FAM167A: variants seen among roughly 807,000 people sequenced by gnomAD.
FAM167A encodes the protein family with sequence similarity 167 member A.
FAM167A carries 23 observed loss-of-function variants against 14.9 expected under a neutral mutation model. The ratio of observed to expected loss-of-function variants is 1.55; its 90% CI spans 1.11 to 2.19. The LOEUF (loss-of-function observed/expected upper bound fraction) is 2.19, where lower values mean the gene tolerates loss of function less well. Among genes scored for constraint, FAM167A ranks in the 30% most tolerant of loss-of-function variants. The pLI, the probability that FAM167A is intolerant of heterozygous loss-of-function variation, is 0.00. For synonymous variants in FAM167A, 174 were observed against 117.7 expected, an observed-to-expected ratio of 1.48 and a Z score of -3.10; for missense variants, 401 against 281.5, an observed-to-expected ratio of 1.42 and a Z score of -3.04.
At chr8:11,434,712 C>T (rs1410790569) in intron 2 of FAM167A, 1 of 241,602 alleles carries the variant, frequency 4.1e-6, no homozygotes, top group Non-Finnish European at 8.2e-6. Flanking sequence ...CTAGATCTGC[C>T]ACTAGGGGCT....
At chr8:11,456,172 CTGTG>C (rs557569423) in intron 1 of FAM167A, among the ~76,000 whole-genome samples, 1 of 3,464 alleles carries the variant, frequency 2.9e-4, no homozygotes. Flanking sequence ...GGTTGCCTTG[CTGTG>C]TGTGTGTGTG....
chr8:11,464,641 C>A (rs1387527499), intron 1 of FAM167A, among the ~76,000 whole-genome samples: 1 of 152,212 alleles, frequency 6.6e-6, no homozygotes, highest in Non-Finnish European at 1.5e-5. Flanking sequence ...GGTCTGGAAA[C>A]CAGGAGCAAA....
At chr8:11,446,216 G>C (rs1375904064) in intron 1 of FAM167A, among the ~76,000 whole-genome samples, 5 of 152,174 alleles carry the variant, frequency 3.3e-5, no homozygotes, top group Non-Finnish European at 5.9e-5. Flanking sequence ...GCTTAAGAAA[G>C]GAGAGCAGAA....
chr8:11,434,982 C>T, intron 2 of FAM167A: 1 of 454,620 alleles, frequency 2.2e-6, no homozygotes, highest in Non-Finnish European at 4.4e-6. Flanking sequence ...GCATTTGGGT[C>T]CTCTGCACCT....
At chr8:11,472,174 T>G (rs973941457), upstream of FAM167A, among the ~76,000 whole-genome samples, 4 of 152,344 alleles carry the variant, frequency 2.6e-5, no homozygotes, top group African/African-American at 9.6e-5. Context: ...TTTGAGCCTT[T>G]CTTGCTGGTT....
At chr8:11,473,421 G>C (rs1304114358) in intron 1 of FAM167A, among the ~76,000 whole-genome samples, 2 of 152,266 alleles carry the variant, frequency 1.3e-5, no homozygotes, top group African/African-American at 2.4e-5. Flanking sequence ...TGCTGGGGGG[G>C]ATTTTTGGGG....
intron 2 of FAM167A, among the ~76,000 whole-genome samples, chr8:11,442,315 G>T (rs1392333256): frequency 2.0e-5 from 3 of 152,096 alleles, no homozygotes. Flanking sequence ...CACACGTGTG[G>T]TTATCACCCC....
At chr8:11,463,183 A>G (rs892098424) in intron 1 of FAM167A, among the ~76,000 whole-genome samples, 4 of 152,214 alleles carry the variant, frequency 2.6e-5, no homozygotes, top group African/African-American at 9.7e-5. Flanking sequence ...CCTTCCTCCA[A>G]GTTTTCAGTG....
At chr8:11,437,221 T>C (rs1402591384) in intron 2 of FAM167A, among the ~76,000 whole-genome samples, 1 of 152,182 alleles carries the variant, frequency 6.6e-6, no homozygotes, top group Non-Finnish European at 1.5e-5. Flanking sequence ...GCTCTGCTGA[T>C]TGATCTTGGG....
At chr8:11,467,306 C>A (rs1033199996), upstream of FAM167A, among the ~76,000 whole-genome samples, 3 of 152,284 alleles carry the variant, frequency 2.0e-5, no homozygotes, top group African/African-American at 7.2e-5. Flanking sequence ...CCGCCAGGGG[C>A]GCGGCATCGG....
intron 1 of FAM167A, among the ~76,000 whole-genome samples, chr8:11,462,058 G>A (rs1387487647): frequency 6.6e-6 from 1 of 152,226 alleles, no homozygotes; most frequent in Non-Finnish European, 1.5e-5. Context: ...CCTGCACTGG[G>A]GTTTGGCAGG....
rs537742836 is a variant in FAM167A, at chr8:11,424,330, C to T, written c.*43G>A. 1.2e-6 allele frequency: 2 copies of T among 1,607,352 alleles called. No individual in the cohort carries two copies. The highest frequency in any genetic ancestry group is 1.1e-5 in the South Asian group (1 of 90,786). On this transcript the variant is annotated 3_prime_UTR_variant, in exon 3 of 3. Transcript: ENST00000284486. ...CAGCTTCCTCTGACACCCCTCCAGC[C>T]CAAGCCCTCCGCTCCAGCCCCTCCG...
chr8:11,458,568 T>C (rs1807418910), intron 1 of FAM167A, among the ~76,000 whole-genome samples: 1 of 152,144 alleles, frequency 6.6e-6, no homozygotes, highest in African/African-American at 2.4e-5. Flanking sequence ...ATTTTAGCCC[T>C]TACTCTGGCA....
rs1382640782 is a variant in FAM167A at position 11,424,380 on chromosome 8, A to G, written c.638T>C (p.Leu213Pro). Residue 213 changes from leucine (L) to proline (P), a missense_variant, in exon 3 of 3, where the codon CTC (leucine) becomes CCC (proline). Leu to Pro is a moderately conservative substitution (Grantham distance 98, BLOSUM62 -3). Transcript: ENST00000284486. Reference sequence around the variant, plus strand: ...GCCCAGTCTGAGGGCTCCTCAGCAGAGAGAGAACCTCCGAGAGTTGATGTT... The same window carrying G: ...GCCCAGTCTGAGGGCTCCTCAGCAGGGAGAGAACCTCCGAGAGTTGATGTT... ...KMNINSRRFS[L>P]C 3 of 1,614,024 alleles carry G rather than the reference A, an allele frequency of 1.9e-6. No homozygotes were observed. Among genetic ancestry groups the G allele is most frequent in the Non-Finnish European group, 2.5e-6 (3 of 1,179,986 alleles).
chr8:11,471,702 G>T (rs938857528), upstream of FAM167A, among the ~76,000 whole-genome samples: 6 of 152,224 alleles, frequency 3.9e-5, no homozygotes, highest in Non-Finnish European at 7.3e-5. Context: ...CCTGCCCTGC[G>T]CTTTCTCCAG....
At chr8:11,468,904 T>A (rs898569704), upstream of FAM167A, among the ~76,000 whole-genome samples, 3 of 151,892 alleles carry the variant, frequency 2.0e-5, no homozygotes, top group Non-Finnish European at 4.4e-5. Context: ...GGCAGGAGGG[T>A]AATCAGTGAT....
At chr8:11,436,918 G>T (rs1806057715) in intron 2 of FAM167A, among the ~76,000 whole-genome samples, 1 of 152,184 alleles carries the variant, frequency 6.6e-6, no homozygotes, top group Non-Finnish European at 1.5e-5. Flanking sequence ...GCTGGAGTGG[G>T]GACCTGTGGG....
intron 1 of FAM167A, among the ~76,000 whole-genome samples, chr8:11,465,422 T>C (rs1430935777): frequency 6.6e-6 from 1 of 152,098 alleles, no homozygotes; most frequent in Non-Finnish European, 1.5e-5. Flanking sequence ...AAACGGATAA[T>C]AGAGTCTCCT....
chr8:11,443,809 G>C (rs1806591522), intron 2 of FAM167A: 1 of 571,762 alleles, frequency 1.7e-6, no homozygotes, highest in Admixed American at 3.4e-5. Context: ...TCCTTCATTA[G>C]TGTCTGCAAT....
Sources: gnomAD v4.1 joint callset for allele counts (sites outside exome capture counted in the v4.1 genomes callset) on GRCh38, gnomAD v4.1.1 for gene constraint, MANE v1.5 for transcripts, NCBI Gene and HGNC (gene_info 2026-07-23, HGNC 2026-07-21) for gene names.